SLC44A5: variants seen among roughly 807,000 people sequenced by gnomAD.
The protein encoded by SLC44A5 is solute carrier family 44 member 5.
In SLC44A5, 57 loss-of-function variants were observed where a neutral mutation model predicts 101.8. The ratio of observed to expected loss-of-function variants is 0.56; its 90% CI spans 0.45 to 0.70. The LOEUF (loss-of-function observed/expected upper bound fraction) is 0.70, where lower values mean the gene tolerates loss of function less well. Among genes scored for constraint, SLC44A5 ranks in the 30% least tolerant of loss-of-function variants. The probability of loss-of-function intolerance (pLI) is 0.00; values close to 1 mark genes in which losing one functional copy is unlikely to be tolerated. For missense variants in SLC44A5, 737 were observed against 853.1 expected (o/e 0.86, Z 1.70); for synonymous variants, 281 against 290.9 (o/e 0.97, Z 0.35).
chr1:75,680,185 C>A, the SLC44A5 span, among the ~76,000 whole-genome samples: 1 of 152,026 alleles, frequency 6.6e-6, no homozygotes, highest in Admixed American at 6.6e-5. Flanking sequence ...ACCCCACTGT[C>A]AACATTAGAC....
chr1:75,304,597 T>C (rs1654768393), intron 4 of SLC44A5, among the ~76,000 whole-genome samples: 1 of 152,210 alleles, frequency 6.6e-6, no homozygotes, highest in Admixed American at 6.5e-5. Flanking sequence ...AAATGTTCTA[T>C]AGGAAATGAG....
chr1:75,251,248 G>T lies in SLC44A5; in HGVS notation c.307C>A (p.Pro103Thr). 6.2e-7 allele frequency: 1 copy of T among 1,613,544 alleles called. No homozygotes were observed. The highest frequency in any genetic ancestry group is 8.5e-7 in the Non-Finnish European group (1 of 1,179,594). Reference protein sequence around the residue: ...FYFNLLRCTSPSVLLNLQCPT... With the variant: ...FYFNLLRCTSTSVLLNLQCPT... ...CACTGTAGGTTTAGCAACACGGAGG[G>T]ACTGGTACAGCGTAACAGGTTAAAG... The change falls in exon 7 of 24, where the codon CCC becomes ACC. Residue 103 changes from proline (P) to threonine (T), a missense_variant. Around this residue, in one of 3 missense-constraint regions of SLC44A5, gnomAD observed 665 missense variants for 764.4 expected, o/e 0.87. Transcript: ENST00000370859.
chr1:75,674,311 A>G, the SLC44A5 span, among the ~76,000 whole-genome samples: 1 of 152,212 alleles, frequency 6.6e-6, no homozygotes, highest in Non-Finnish European at 1.5e-5. Flanking sequence ...GAATTGATCA[A>G]GCAAAAAAAA....
chr1:75,706,614 A>T, the SLC44A5 span, among the ~76,000 whole-genome samples: 1 of 152,238 alleles, frequency 6.6e-6, no homozygotes, highest in South Asian at 2.1e-4. Context: ...GTTATTAAAC[A>T]CAAATATTTT....
intron 2 of SLC44A5, among the ~76,000 whole-genome samples, chr1:75,531,647 C>T (rs918757786): frequency 9.2e-5 from 14 of 152,190 alleles, no homozygotes; most frequent in African/African-American, 3.1e-4. Flanking sequence ...TGACAAAGCT[C>T]TACAGGGACC....
intron 2 of SLC44A5, among the ~76,000 whole-genome samples, chr1:75,518,537 G>C (rs1236708186): frequency 1.3e-5 from 2 of 152,072 alleles, no homozygotes; most frequent in African/African-American, 4.8e-5. Flanking sequence ...GTACTCAATA[G>C]ATGTTGCTAA....
intron 20 of SLC44A5, among the ~76,000 whole-genome samples, 194 bp downstream of exon 20, chr1:75,214,411 T>C (rs758403458): frequency 6.6e-6 from 1 of 151,968 alleles, no homozygotes; most frequent in African/African-American, 2.4e-5. Flanking sequence ...AAGACACAGG[T>C]GGGTAATGGA....
At chr1:75,353,994 G>A in intron 3 of SLC44A5, 2 of 355,874 alleles carry the variant, frequency 5.6e-6, no homozygotes, top group Non-Finnish European at 1.1e-5. Flanking sequence ...TCACTTGAAG[G>A]CCTGCAAATT....
At chr1:75,251,376 T>C in intron 6 of SLC44A5, 82 bp from the exon 7 acceptor site, 1 of 1,154,670 alleles carries the variant, frequency 8.7e-7, no homozygotes, top group Non-Finnish European at 1.2e-6. Context: ...TTTTTATAAA[T>C]AACCTTTAAA....
At chr1:75,465,390 G>A (rs1209079806) in intron 2 of SLC44A5, among the ~76,000 whole-genome samples, 1 of 151,866 alleles carries the variant, frequency 6.6e-6, no homozygotes, top group African/African-American at 2.4e-5. Context: ...CAAAACCTAT[G>A]GGATATAGCA....
At chr1:75,242,604 A>G (rs1309383031) in intron 8 of SLC44A5, among the ~76,000 whole-genome samples, 1 of 152,076 alleles carries the variant, frequency 6.6e-6, no homozygotes, top group Non-Finnish European at 1.5e-5. Context: ...CTAGTTCTAG[A>G]GTAAAAGTCT....
the SLC44A5 span, among the ~76,000 whole-genome samples, chr1:75,664,989 T>G: frequency 6.6e-6 from 1 of 151,554 alleles, no homozygotes; most frequent in Non-Finnish European, 1.5e-5. Flanking sequence ...CATTATACGT[T>G]TATAGATGGG....
At chr1:75,476,625 A>G (rs1473894392) in intron 2 of SLC44A5, among the ~76,000 whole-genome samples, 3 of 152,242 alleles carry the variant, frequency 2.0e-5, no homozygotes, top group African/African-American at 4.8e-5. Context: ...GGAGGGTCCT[A>G]CGCCCACGGA....
intron 23 of SLC44A5, 95 bp from the exon 24 acceptor site, chr1:75,203,928 A>C (rs1374114838): frequency 2.5e-5 from 31 of 1,236,678 alleles, no homozygotes; most frequent in Non-Finnish European, 3.1e-5. Flanking sequence ...AGCAGTTCAA[A>C]ATCCTTTTGT....
At position 75,227,725 on chromosome 1, in the gene SLC44A5, C is replaced by T; in HGVS notation, c.985+1G>A. The T allele has an allele frequency of 1.3e-6, 2 of 1,553,492 alleles. No homozygotes were observed. Among genetic ancestry groups the T allele is most frequent in the Admixed American group, 2.4e-5 (1 of 41,918 alleles). ...ATGAAACCAGTTTTTAAAATACTCA[C>T]TAAATGTGAACCATGTTTGTTGCAG... is the stretch of plus-strand genomic sequence containing the variant. On this transcript the variant is annotated splice_donor_variant, in intron 13 of 23. Transcript: ENST00000370859. LOFTEE classifies it high-confidence loss of function.
At position 75,405,894 on chromosome 1, in the gene SLC44A5, A is replaced by AC. The variant is rs1270997128; in HGVS notation, c.14-9274_14-9273insG. Among the ~76,000 whole-genome samples, 34 of 136,284 alleles carry AC rather than the reference A, an allele frequency of 2.5e-4. No homozygotes were observed. In the East Asian group the frequency reaches 0.01, roughly 42 times the overall value. 89.4% of individuals were successfully genotyped at this position (136,284 alleles called of 152,430 possible). A position where few individuals can be genotyped will look rare whatever the true frequency, so the allele number is the denominator to read the frequency against. The stretch of plus-strand genomic sequence containing the variant: ...AAGGCGATAGAGATAAAAAAAAAAA[A>AC]AACCCTTTAAAAAATCAATGAATCC... On this transcript the variant is annotated intron_variant, in intron 2 of 23. Coordinates refer to ENST00000370859, the MANE Select transcript of SLC44A5 (RefSeq NM_001130058.2).
Position 75,250,320 on chromosome 1 carries a change from A to G in SLC44A5, c.345+890T>C, listed in dbSNP as rs1281894781. Among the ~76,000 whole-genome samples the G allele has an allele frequency of 2.0e-5, 3 of 152,120 alleles. No individual in the cohort carries two copies. The East Asian group carries it at 5.8e-4, about 29-fold the overall frequency. On this transcript the variant is annotated intron_variant, in intron 7 of 23. Coordinates refer to ENST00000370859, the MANE Select transcript of SLC44A5 (RefSeq NM_001130058.2). ...CACCAGCTCCATCCATGTCTCTGCG[A>G]GGGACGTGACCTTGTTCTTTTTTAT...
At chr1:75,211,892 T>TC (rs1646864834) in intron 22 of SLC44A5, among the ~76,000 whole-genome samples, 3 of 150,374 alleles carry the variant, frequency 2.0e-5, no homozygotes, top group Non-Finnish European at 4.4e-5. Context: ...CTTCCTTCCT[T>TC]TCTCTCTCTC....
intron 1 of SLC44A5, among the ~76,000 whole-genome samples, chr1:75,560,751 C>T (rs1412713808): frequency 6.6e-6 from 1 of 152,178 alleles, no homozygotes; most frequent in Non-Finnish European, 1.5e-5. Context: ...TTTCTACTCA[C>T]TGAAACAGGC....
Sources: allele counts gnomAD v4.1 joint callset (sites outside exome capture counted in the v4.1 genomes callset), GRCh38; gene constraint gnomAD v4.1.1; regional missense constraint gnomAD v4.1.1; transcripts MANE v1.5; gene names NCBI Gene and HGNC (gene_info 2026-07-23, HGNC 2026-07-21).